MCC: variants seen among roughly 807,000 people sequenced by gnomAD.
The protein encoded by MCC is MCC regulator of Wnt signaling pathway.
Under a neutral mutation model 116.2 loss-of-function variants are expected in MCC, and 90 were observed. The observed-to-expected ratio is 0.77, with a 90% CI of 0.65 to 0.92. The LOEUF is 0.92. MCC is among the 40% of genes least tolerant of loss of function. The pLI, the probability that MCC is intolerant of heterozygous loss-of-function variation, is 0.00. For synonymous variants in MCC, 578 were observed against 510.5 expected (o/e 1.13, Z -1.78); for missense variants, 1,516 against 1,312.2 (o/e 1.16, Z -2.40).
intron 1 of MCC, among the ~76,000 whole-genome samples, chr5:113,418,054 C>A (rs2150405822): frequency 6.7e-6 from 1 of 149,358 alleles, no homozygotes; most frequent in Non-Finnish European, 1.5e-5. Context: ...TGTTTGCAGT[C>A]ATTTCCTCCC....
At chr5:113,469,600 C>G (rs1772019961) in intron 1 of MCC, among the ~76,000 whole-genome samples, 1 of 152,110 alleles carries the variant, frequency 6.6e-6, no homozygotes, top group Non-Finnish European at 1.5e-5. Flanking sequence ...GCTTTACTTC[C>G]AACTATGTGG....
chr5:113,181,421 T>A (rs1176594562), intron 3 of MCC, among the ~76,000 whole-genome samples: 1 of 152,214 alleles, frequency 6.6e-6, no homozygotes, highest in African/African-American at 2.4e-5. Flanking sequence ...GGTAAATATT[T>A]AGGAAAATAG....
At chr5:113,363,160 C>T (rs1261625896) in intron 2 of MCC, among the ~76,000 whole-genome samples, 1 of 152,094 alleles carries the variant, frequency 6.6e-6, no homozygotes, top group Non-Finnish European at 1.5e-5. Context: ...GCCTGTAATC[C>T]CAGCTATTCA....
At chr5:113,340,257 C>A (rs1017905310) in intron 3 of MCC, among the ~76,000 whole-genome samples, 15 of 152,172 alleles carry the variant, frequency 9.9e-5, no homozygotes, top group African/African-American at 3.6e-4. Flanking sequence ...TGTTGTGCAT[C>A]TTCTAGTAAT....
At chr5:113,309,329 C>T (rs1478433043) in intron 3 of MCC, among the ~76,000 whole-genome samples, 1 of 152,086 alleles carries the variant, frequency 6.6e-6, no homozygotes, top group Non-Finnish European at 1.5e-5. Context: ...TAATTTTTTA[C>T]CCCGTGTTCT....
At chr5:113,046,928 T>C (rs1279042599) in intron 16 of MCC, among the ~76,000 whole-genome samples, 2 of 152,072 alleles carry the variant, frequency 1.3e-5, no homozygotes, top group Non-Finnish European at 2.9e-5. Context: ...GACCCTTCCA[T>C]GATTCCGCAC....
intron 2 of MCC, among the ~76,000 whole-genome samples, chr5:113,351,453 T>A (rs898775237): frequency 6.6e-6 from 1 of 152,126 alleles, no homozygotes; most frequent in African/African-American, 2.4e-5. Flanking sequence ...AAGACAAATT[T>A]CACATGTTCT....
chr5:113,165,596 C>T (rs1760724575), intron 3 of MCC, among the ~76,000 whole-genome samples: 1 of 152,078 alleles, frequency 6.6e-6, no homozygotes, highest in South Asian at 2.1e-4. Context: ...TCTGTGACAC[C>T]CTTGAAAGAG....
chr5:113,444,148 A>G (rs1771136861), intron 1 of MCC, among the ~76,000 whole-genome samples: 1 of 152,100 alleles, frequency 6.6e-6, no homozygotes, highest in African/African-American at 2.4e-5. Flanking sequence ...CCCGGCCTGT[A>G]CAGCATTTTT....
chr5:113,333,758 C>G (rs1043163567), intron 3 of MCC, among the ~76,000 whole-genome samples: 2 of 90,000 alleles, frequency 2.2e-5, no homozygotes, highest in Admixed American at 1.3e-4. Flanking sequence ...ACTAAATGCA[C>G]AAAAACAAAA....
At position 113,454,572 on chromosome 5, in the gene MCC, A is replaced by C. The variant is rs537864616; in HGVS notation, c.170+33673T>G. Reference sequence around the variant, plus strand: ...TAATTTTTAATATCTTAACAATGTTAACAGACTTCAAAGGGAGAATCTACA... The same window carrying C: ...TAATTTTTAATATCTTAACAATGTTCACAGACTTCAAAGGGAGAATCTACA... On this transcript the variant is annotated intron_variant, in intron 1 of 18. Coordinates refer to ENST00000408903, the MANE Select transcript of MCC (RefSeq NM_001085377.2). 2.6e-5 allele frequency among the ~76,000 whole-genome samples: 4 copies of C among 152,364 alleles called. No individual in the cohort carries two copies. In the South Asian group the frequency reaches 8.3e-4, roughly 32 times the overall value.
chr5:113,095,104 C>T (rs971305309), intron 8 of MCC, among the ~76,000 whole-genome samples: 3 of 152,178 alleles, frequency 2.0e-5, no homozygotes, highest in African/African-American at 7.2e-5. Context: ...CTTCATGTAG[C>T]ATTAGAATGC....
At chr5:113,149,775 G>C (rs555219243) in intron 4 of MCC, among the ~76,000 whole-genome samples, 2 of 152,252 alleles carry the variant, frequency 1.3e-5, no homozygotes, top group South Asian at 2.1e-4. Flanking sequence ...TGGAGACAAG[G>C]TGTGCCATTG....
rs772694450 is a variant in MCC, at chr5:113,063,964, A to G, written c.2213+20T>C. 6.2e-7 allele frequency: 1 copy of G among 1,602,922 alleles called. No homozygotes were observed. Among genetic ancestry groups the G allele is most frequent in the East Asian group, 2.2e-5 (1 of 44,666 alleles). ...CCATGTGGACACACGCCCACCCCAG[A>G]GCAGAAGGCTGAGCATTACCTGGTG... On this transcript the variant is annotated intron_variant, in intron 14 of 18. Coordinates refer to ENST00000408903, the MANE Select transcript of MCC (RefSeq NM_001085377.2).
chr5:113,221,445 A>G (rs1309024780), intron 3 of MCC, among the ~76,000 whole-genome samples: 1 of 152,232 alleles, frequency 6.6e-6, no homozygotes, highest in East Asian at 1.9e-4. Context: ...GCCCTTTCCC[A>G]AAACAATTCC....
chr5:113,406,380 T>A (rs973462511), intron 1 of MCC, among the ~76,000 whole-genome samples: 1 of 152,218 alleles, frequency 6.6e-6, no homozygotes, highest in African/African-American at 2.4e-5. Context: ...ACTTATGCCA[T>A]CGAATAATAA....
intron 1 of MCC, among the ~76,000 whole-genome samples, chr5:113,469,029 T>C (rs879816533): frequency 7.6e-4 from 115 of 152,194 alleles, no homozygotes; most frequent in Non-Finnish European, 1.2e-3. Flanking sequence ...GGTGGTGATA[T>C]CCCCTTTAAC....
At chr5:113,343,617 C>T (rs1240216787) in intron 2 of MCC, among the ~76,000 whole-genome samples, 5 of 152,174 alleles carry the variant, frequency 3.3e-5, no homozygotes, top group Non-Finnish European at 5.9e-5. Context: ...GAGGGCTGGG[C>T]CTTGCCTTAT....
intron 1 of MCC, among the ~76,000 whole-genome samples, chr5:113,460,675 T>C (rs1420104626): frequency 6.6e-6 from 1 of 152,202 alleles, no homozygotes; most frequent in Non-Finnish European, 1.5e-5. Flanking sequence ...GAGAGCATCA[T>C]ATTGAAGACC....
Sources: allele counts gnomAD v4.1 joint callset (sites outside exome capture counted in the v4.1 genomes callset), GRCh38; gene constraint gnomAD v4.1.1; transcripts MANE v1.5; gene names NCBI Gene and HGNC (gene_info 2026-07-23, HGNC 2026-07-21).